The following NVL variants were observed in gnomAD, a reference collection of about 807,000 sequenced individuals.
NVL encodes the protein nuclear VCP like.
A neutral mutation model predicts 110.2 loss-of-function variants in NVL; 84 were observed. That is an observed-to-expected ratio of 0.76 (90% CI 0.64 to 0.91). The LOEUF (loss-of-function observed/expected upper bound fraction) is 0.91, where lower values mean the gene tolerates loss of function less well. NVL is among the 40% of genes least tolerant of loss of function. The probability of loss-of-function intolerance (pLI) is 0.00; values close to 1 mark genes in which losing one functional copy is unlikely to be tolerated. For missense variants in NVL, 882 were observed against 1,035.9 expected (o/e 0.85, Z 2.04); for synonymous variants, 354 against 361.1 (o/e 0.98, Z 0.22).
intron 20 of NVL, among the ~76,000 whole-genome samples, chr1:224,235,162 T>A (rs1660321451): frequency 6.6e-6 from 1 of 152,034 alleles, no homozygotes. Flanking sequence ...TCTTTATTTT[T>A]AATTTTATTT....
chr1:224,296,008 G>A (rs1040926434), intron 11 of NVL, among the ~76,000 whole-genome samples: 3 of 148,718 alleles, frequency 2.0e-5, no homozygotes, highest in African/African-American at 7.5e-5. Flanking sequence ...GTGCACACCT[G>A]TGGTCACAGC....
At chr1:224,285,260 C>T (rs1369903151) in intron 15 of NVL, among the ~76,000 whole-genome samples, 1 of 152,004 alleles carries the variant, frequency 6.6e-6, no homozygotes, top group African/African-American at 2.4e-5. Flanking sequence ...CATGGTGAAA[C>T]CCCATCTCTA....
In NVL at chr1:224,296,486, T is replaced by G; in HGVS notation, c.1180+15A>C. The G allele has an allele frequency of 7.6e-7, 1 of 1,320,490 alleles. No individual in the cohort carries two copies. Among genetic ancestry groups the G allele is most frequent in the Non-Finnish European group, 1.0e-6 (1 of 963,454 alleles). 81.8% of individuals were successfully genotyped at this position (1,320,490 alleles called of 1,614,324 possible). ...AATTTATTCTCTTAAAATGAATTTA[T>G]TATTTTAAACTAACCATCCATGCAG... On this transcript the variant is annotated intron_variant, in intron 11 of 22. Coordinates refer to ENST00000281701, the MANE Select transcript of NVL (RefSeq NM_002533.4).
intron 10 of NVL, among the ~76,000 whole-genome samples, chr1:224,299,912 T>G (rs1254802315): frequency 6.6e-6 from 1 of 152,244 alleles, no homozygotes; most frequent in African/African-American, 2.4e-5. Context: ...GTATTGGATA[T>G]TCATCAGCTA....
intron 20 of NVL, among the ~76,000 whole-genome samples, chr1:224,235,747 G>A (rs1257337884): frequency 2.0e-5 from 3 of 151,958 alleles, no homozygotes; most frequent in Non-Finnish European, 4.4e-5. Flanking sequence ...TGGGCAATAT[G>A]GCGAGACCCT....
At chr1:224,317,402 A>G (rs541217421) in intron 4 of NVL, among the ~76,000 whole-genome samples, 1 of 152,322 alleles carries the variant, frequency 6.6e-6, no homozygotes, top group East Asian at 1.9e-4. Flanking sequence ...ACATTTAAAA[A>G]GGGGTCTTAG....
intron 17 of NVL, 65 bp downstream of exon 17, chr1:224,275,274 C>A: frequency 6.3e-7 from 1 of 1,590,258 alleles, no homozygotes; most frequent in Non-Finnish European, 8.6e-7. Flanking sequence ...AAATACCTGG[C>A]TTGGAACATA....
At chr1:224,240,089 G>A (rs527743908) in intron 19 of NVL, among the ~76,000 whole-genome samples, 63 of 108,622 alleles carry the variant, frequency 5.8e-4, no homozygotes, top group African/African-American at 1.7e-3. Flanking sequence ...TTTTTGAGAC[G>A]GAGTCTCACT....
chr1:224,284,300 C>A (rs924419537), intron 15 of NVL, among the ~76,000 whole-genome samples: 7 of 151,660 alleles, frequency 4.6e-5, no homozygotes, highest in Admixed American at 1.3e-4. Context: ...CACATGTATG[C>A]CATTAGAAAA....
At position 224,236,499 on chromosome 1, in the gene NVL, CACTT is replaced by C; in HGVS notation, c.2366+3_2366+6del. On this transcript the variant is annotated splice_donor_5th_base_variant and intron_variant, in intron 20 of 22. Coordinates refer to ENST00000281701, the MANE Select transcript of NVL (RefSeq NM_002533.4). The stretch of plus-strand genomic sequence containing the variant: ...AGAGTGAATTGACTTAAGATTTAAA[CACTT>C]ACGTATAGCAATCACAGCGAAGGTC... The C allele has an allele frequency of 1.9e-6, 3 of 1,608,660 alleles. No individual in the cohort carries two copies. The highest frequency in any genetic ancestry group is 2.6e-6 in the Non-Finnish European group (3 of 1,175,106).
At chr1:224,306,663 C>G (rs1668950702) in intron 6 of NVL, among the ~76,000 whole-genome samples, 1 of 152,122 alleles carries the variant, frequency 6.6e-6, no homozygotes. Context: ...CAAACGCCAT[C>G]TCTACAAAAA....
intron 19 of NVL, among the ~76,000 whole-genome samples, chr1:224,238,056 A>G (rs1455578637): frequency 6.6e-6 from 1 of 151,036 alleles, no homozygotes; most frequent in African/African-American, 2.4e-5. Context: ...TTTCTTTGAG[A>G]CAGGGTCTGG....
intron 19 of NVL, among the ~76,000 whole-genome samples, chr1:224,238,377 C>T (rs1350357896): frequency 6.6e-6 from 1 of 152,172 alleles, no homozygotes; most frequent in Non-Finnish European, 1.5e-5. Flanking sequence ...CAAAGTGCTC[C>T]AGGCACAGGG....
intron 19 of NVL, among the ~76,000 whole-genome samples, chr1:224,239,656 T>C (rs935603092): frequency 6.6e-6 from 1 of 152,230 alleles, no homozygotes; most frequent in African/African-American, 2.4e-5. Flanking sequence ...ACAATTCTTT[T>C]ATACTTCTCA....
At chr1:224,228,272 T>C (rs1170221234) in intron 22 of NVL, among the ~76,000 whole-genome samples, 1 of 152,108 alleles carries the variant, frequency 6.6e-6, no homozygotes, top group Non-Finnish European at 1.5e-5. Context: ...TAAACTACAC[T>C]GAATCCAGAT....
At chr1:224,241,530 AATT>A (rs1471965709) in intron 19 of NVL, among the ~76,000 whole-genome samples, 7 of 152,112 alleles carry the variant, frequency 4.6e-5, no homozygotes, top group African/African-American at 1.4e-4. Context: ...AAGCTAAAGG[AATT>A]ATTAGAAAAA....
rs57687356 is a variant in NVL, at chr1:224,247,055, C to CAA, written c.2289+3155_2289+3156dup. 7.9e-4 allele frequency among the ~76,000 whole-genome samples: 74 copies of CAA among 93,544 alleles called. 2 individuals carry two copies. Among genetic ancestry groups the CAA allele is most frequent in the African/African-American group, 2.6e-3 (58 of 22,062 alleles). The allele number at this position is 93,544 out of a possible 152,430, so 61.4% of individuals were successfully genotyped here. On this transcript the variant is annotated intron_variant, in intron 19 of 22. Coordinates refer to ENST00000281701, the MANE Select transcript of NVL (RefSeq NM_002533.4). ...GGTCTCTTTTTTTGACATACTGTGTCAAAAAAAAAAAAAAAAAAACAGAGC... is the reference window on the plus strand; with the variant it reads ...GGTCTCTTTTTTTGACATACTGTGTCAAAAAAAAAAAAAAAAAAAAACAGAGC...
In NVL at chr1:224,287,782, G is replaced by A. The variant is rs891825511; in HGVS notation, c.1787C>T (p.Ala596Val). ...GGCAGCTGATATACCTACCAATATT[G>A]CCATGGTGAGCTCCTCTCTAATGTC... ...LEDIREELTMAILAPVRNPDQ... is the reference protein window; with the variant it reads ...LEDIREELTMVILAPVRNPDQ... Residue 596 changes from alanine (A) to valine (V), a missense_variant, in exon 14 of 23, where the codon GCA becomes GTA. This residue lies in a region of NVL where 416 missense variants were observed against 499.3 expected (regional missense o/e 0.83). Coordinates refer to ENST00000281701, the MANE Select transcript of NVL (RefSeq NM_002533.4). The A allele has an allele frequency of 1.2e-6, 2 of 1,613,510 alleles. No homozygotes were observed. Among genetic ancestry groups the A allele is most frequent in the African/African-American group, 1.3e-5 (1 of 75,006 alleles).
intron 11 of NVL, 140 bp from the exon 12 acceptor site, chr1:224,294,551 T>G (rs1204641214): frequency 1.3e-6 from 1 of 753,676 alleles, no homozygotes; most frequent in Admixed American, 2.6e-5. Context: ...ATTTATTAAA[T>G]GTCAAATATG....
Sources: allele counts gnomAD v4.1 joint callset (sites outside exome capture counted in the v4.1 genomes callset), GRCh38; gene constraint gnomAD v4.1.1; regional missense constraint gnomAD v4.1.1; transcripts MANE v1.5; gene names NCBI Gene and HGNC (gene_info 2026-07-23, HGNC 2026-07-21).